Variants in KSR1 observed in about 807,000 individuals in gnomAD.
The protein encoded by KSR1 is kinase suppressor of ras 1.
A neutral mutation model predicts 92.9 loss-of-function variants in KSR1; 35 were observed. The observed-to-expected ratio is 0.38, with a 90% CI of 0.29 to 0.50. The LOEUF is 0.50. Ranked by LOEUF, KSR1 falls within the 20% of genes least tolerant of loss-of-function variation. The pLI, the probability that KSR1 is intolerant of heterozygous loss-of-function variation, is 0.94. For synonymous variants in KSR1, 467 were observed against 472.6 expected (o/e 0.99, Z 0.15); for missense variants, 972 against 1,158.5 (o/e 0.84, Z 2.34).
intron 1 of KSR1, among the ~76,000 whole-genome samples, chr17:27,491,760 C>A (rs1343884773): frequency 6.6e-6 from 1 of 152,102 alleles, no homozygotes; most frequent in African/African-American, 2.4e-5. Context: ...CAGGGTCGCC[C>A]AGGTCTGTGT....
chr17:27,469,255 C>T (rs573426315), intron 1 of KSR1, among the ~76,000 whole-genome samples: 5 of 152,272 alleles, frequency 3.3e-5, no homozygotes, highest in Admixed American at 2.0e-4. Context: ...TTTCTTTTCT[C>T]CGTGGTCTTT....
Position 27,559,870 on chromosome 17 carries a change from G to A in KSR1, c.372+9162G>A, listed in dbSNP as rs2071751085. Reference sequence around the variant, plus strand: ...AGGAGGCTGGCGGGGAGCCGGGGTGGATTCCTGCAGCTCTCCCTGTGTGCA... The same window carrying A: ...AGGAGGCTGGCGGGGAGCCGGGGTGAATTCCTGCAGCTCTCCCTGTGTGCA... On this transcript the variant is annotated intron_variant, in intron 2 of 20. Coordinates refer to ENST00000644974, the MANE Select transcript of KSR1 (RefSeq NM_001394583.1). The surrounding 1 kb of genome is among the most constrained non-coding windows in gnomAD (Gnocchi z 4.2). 6.6e-6 allele frequency among the ~76,000 whole-genome samples: 1 copy of A among 152,260 alleles called. No homozygotes were observed. The highest frequency in any genetic ancestry group is 6.5e-5 in the Admixed American group (1 of 15,294).
At position 27,456,819 on chromosome 17, in the gene KSR1, G is replaced by C; in HGVS notation, c.176G>C (p.Arg59Pro). ...DISIGSLRGL[R>P]TKCAVSNDLT... ...TCCATCGGCAGCCTGCGCGGGCTGC[G>C]CACCAAGTGCGCTGTGTCCAACGAC... is the stretch of plus-strand genomic sequence containing the variant. Residue 59 changes from arginine to proline, a missense_variant, in exon 1 of 21, where the codon CGC becomes CCC. Physicochemically the swap from Arg to Pro is moderately radical, Grantham distance 103. Transcript: ENST00000644974. 1 of 1,474,420 alleles carries C rather than the reference G, an allele frequency of 6.8e-7. No individual in the cohort carries two copies. Among genetic ancestry groups the C allele is most frequent in the Non-Finnish European group, 9.4e-7 (1 of 1,068,614 alleles). The allele number at this position is 1,474,420 out of a possible 1,614,324, so 91.3% of individuals were successfully genotyped here.
intron 1 of KSR1, among the ~76,000 whole-genome samples, chr17:27,463,672 G>T (rs1362156932): frequency 1.3e-5 from 2 of 152,146 alleles, no homozygotes; most frequent in African/African-American, 4.8e-5. Context: ...CCTTTTCCTT[G>T]CTCCAAGATA....
chr17:27,569,014 C>T (rs750039804), intron 2 of KSR1, among the ~76,000 whole-genome samples: 3 of 152,340 alleles, frequency 2.0e-5, no homozygotes, highest in African/African-American at 4.8e-5. Flanking sequence ...CACCCTCCCA[C>T]GTTCCATCCT....
At chr17:27,623,209 T>C in intron 20 of KSR1, 105 bp from the exon 21 acceptor site, 2 of 700,190 alleles carry the variant, frequency 2.9e-6, no homozygotes, top group Non-Finnish European at 5.2e-6. Context: ...TTTCATTTCT[T>C]GTTGGAGGCC....
chr17:27,581,130 G>A (rs1475220998), intron 3 of KSR1, among the ~76,000 whole-genome samples: 1 of 152,140 alleles, frequency 6.6e-6, no homozygotes, highest in Non-Finnish European at 1.5e-5. Context: ...CATAGCGGAA[G>A]GCAAGGGGGA....
chr17:27,504,533 G>A (rs2069306515), intron 1 of KSR1, among the ~76,000 whole-genome samples: 1 of 152,174 alleles, frequency 6.6e-6, no homozygotes, highest in African/African-American at 2.4e-5. Context: ...GAGCCTGCTT[G>A]AAGGGTGGGT....
intron 9 of KSR1, 133 bp downstream of exon 9, chr17:27,592,759 C>A: frequency 4.4e-6 from 3 of 689,308 alleles, no homozygotes; most frequent in Non-Finnish European, 7.2e-6. Flanking sequence ...CAGAGGGTGG[C>A]CTTGGGGATC....
intron 2 of KSR1, among the ~76,000 whole-genome samples, chr17:27,573,128 T>C (rs1409679375): frequency 6.6e-6 from 1 of 152,268 alleles, no homozygotes; most frequent in Non-Finnish European, 1.5e-5. Flanking sequence ...ATTCTTCCCA[T>C]GGGGTCTCCG....
chr17:27,545,614 C>T (rs1410222076), intron 1 of KSR1, among the ~76,000 whole-genome samples: 1 of 152,228 alleles, frequency 6.6e-6, no homozygotes, highest in Non-Finnish European at 1.5e-5. Flanking sequence ...GGACCCCCAC[C>T]TCCCAGAGTT....
chr17:27,470,429 A>G (rs1265234760), intron 1 of KSR1, among the ~76,000 whole-genome samples: 2 of 151,898 alleles, frequency 1.3e-5, no homozygotes, highest in Non-Finnish European at 2.9e-5. Flanking sequence ...TTTAGTAGAG[A>G]CAGGGTTTCA....
intron 19 of KSR1, 186 bp downstream of exon 19, chr17:27,617,614 G>A (rs767465288): frequency 5.5e-5 from 35 of 634,134 alleles, no homozygotes; most frequent in East Asian, 9.3e-5. Context: ...TGCAGCCTCC[G>A]CCTCCTGGGT....
intron 13 of KSR1, among the ~76,000 whole-genome samples, chr17:27,604,997 AG>A (rs2073701654): frequency 6.6e-6 from 1 of 152,242 alleles, no homozygotes; most frequent in African/African-American, 2.4e-5. Context: ...GTGTCAGCCA[AG>A]GCTGGATCCC....
At chr17:27,526,083 T>TCTTA (rs2070278761) in intron 1 of KSR1, among the ~76,000 whole-genome samples, 1 of 90,726 alleles carries the variant, frequency 1.1e-5, no homozygotes, top group Non-Finnish European at 2.2e-5. Context: ...TTTCTTTCTT[T>TCTTA]CTTTCTTTCT....
chr17:27,601,606 C>A (rs2073559455), intron 11 of KSR1, among the ~76,000 whole-genome samples: 1 of 152,200 alleles, frequency 6.6e-6, no homozygotes, highest in Non-Finnish European at 1.5e-5. Context: ...GAAGTTCTTG[C>A]TGGGAGGGAC....
Position 27,623,295 on chromosome 17 carries a change from T to C in KSR1, c.2709-19T>C, listed in dbSNP as rs1256795927. On this transcript the variant is annotated intron_variant, in intron 20 of 20. Transcript: ENST00000644974. ...AAGATCAATGGGGCTATAATTCTTG[T>C]TTTTGTTCCTCTTTGCAGCATTAAC... 20 of 762,500 alleles carry C rather than the reference T, an allele frequency of 2.6e-5. No homozygotes were observed. The highest frequency in any genetic ancestry group is 4.6e-5 in the Non-Finnish European group (19 of 416,646). 47.2% of individuals were successfully genotyped at this position (762,500 alleles called of 1,614,324 possible). A position where few individuals can be genotyped will look rare whatever the true frequency, so the allele number is the denominator to read the frequency against.
rs772958596 is a variant in KSR1, at chr17:27,582,890, C to A, written c.765C>A (p.His255Gln). ...TCTCAGACACCTGTATTCCCCTGCA[C>A]GCCAGCGGCCGGCTGACCCCCCGTG... Reference protein sequence around the residue: ...EGLSDTCIPLHASGRLTPRAL... With the variant: ...EGLSDTCIPLQASGRLTPRAL... The change falls in exon 4 of 21, where the codon CAC (histidine) becomes CAA (glutamine). Residue 255 changes from histidine to glutamine, a missense_variant. Transcript: ENST00000644974. 3 of 1,612,742 alleles carry A rather than the reference C, an allele frequency of 1.9e-6. No individual in the cohort carries two copies. The East Asian group carries it at 6.7e-5, about 36-fold the overall frequency.
chr17:27,525,321 T>C (rs769240213), intron 1 of KSR1, among the ~76,000 whole-genome samples: 1 of 152,210 alleles, frequency 6.6e-6, no homozygotes, highest in Non-Finnish European at 1.5e-5. Context: ...CTTTTGTGGG[T>C]CTGTGCTGTG....
Sources: allele counts gnomAD v4.1 joint callset (sites outside exome capture counted in the v4.1 genomes callset), GRCh38; gene constraint gnomAD v4.1.1; non-coding constraint Gnocchi (gnomAD v3.1); transcripts MANE v1.5; gene names NCBI Gene and HGNC (gene_info 2026-07-23, HGNC 2026-07-21).